Variants in GNG12 observed in about 807,000 individuals in gnomAD.
GNG12 encodes G protein subunit gamma 12, also known as guanine nucleotide-binding protein G(I)/G(S)/G(O) subunit gamma-12.
For missense variants in GNG12, 69 were observed against 83.8 expected (o/e 0.82, Z 0.69); for synonymous variants, 28 against 29.7 (o/e 0.94, Z 0.19).
chr1:67,805,703 GA>G (rs1299690625), intron 1 of GNG12, among the ~76,000 whole-genome samples: 3 of 151,870 alleles, frequency 2.0e-5, no homozygotes, highest in Non-Finnish European at 4.4e-5. Flanking sequence ...AAGAATGCTA[GA>G]AAAATAAGGA....
At chr1:67,772,590 G>T (rs1308863482) in intron 2 of GNG12, 2 of 151,908 alleles carry the variant, frequency 1.3e-5, no homozygotes, top group African/African-American at 4.8e-5. Flanking sequence ...ATTACATAAT[G>T]TGGGGAGTCT....
chr1:67,740,954 A>G (rs755007645), intron 2 of GNG12, among the ~76,000 whole-genome samples: 2 of 152,232 alleles, frequency 1.3e-5, no homozygotes, highest in African/African-American at 2.4e-5. Context: ...ATGAATGAAC[A>G]GGGAATCATC....
intron 2 of GNG12, among the ~76,000 whole-genome samples, chr1:67,715,623 C>T (rs539919432): frequency 6.6e-6 from 1 of 152,178 alleles, no homozygotes; most frequent in African/African-American, 2.4e-5. Context: ...TGAGTCTCTA[C>T]TCCCCACTGG....
At chr1:67,708,556 GC>G (rs1646263399) in intron 2 of GNG12, among the ~76,000 whole-genome samples, 1 of 152,112 alleles carries the variant, frequency 6.6e-6, no homozygotes, top group Non-Finnish European at 1.5e-5. Flanking sequence ...TCTCTCCTTA[GC>G]CACCTGGTGT....
intron 2 of GNG12, among the ~76,000 whole-genome samples, chr1:67,738,059 C>T (rs976912464): frequency 5.3e-5 from 8 of 152,112 alleles, no homozygotes; most frequent in Non-Finnish European, 7.4e-5. Flanking sequence ...ACCTCAGCCT[C>T]CTGGGTAGCT....
At chr1:67,746,604 C>T (rs940089947) in intron 2 of GNG12, among the ~76,000 whole-genome samples, 2 of 152,126 alleles carry the variant, frequency 1.3e-5, no homozygotes, top group African/African-American at 4.8e-5. Flanking sequence ...TCATTCCTCT[C>T]CATCCCTGTG....
intron 2 of GNG12, chr1:67,772,767 A>AT (rs1311903349): frequency 9.2e-5 from 14 of 152,278 alleles, no homozygotes; most frequent in African/African-American, 3.4e-4. Context: ...TGTCTACTGC[A>AT]TATTTCTGGC....
In GNG12 at chr1:67,707,649, T is replaced by C; in HGVS notation, c.38A>G (p.Gln13Arg). ...TAACTGCTGCACAGTTCTCCTTGCCTGGGCTATATTGTTGGTGCTTGCTGT... is the reference window on the plus strand; with the variant it reads ...TAACTGCTGCACAGTTCTCCTTGCCCGGGCTATATTGTTGGTGCTTGCTGT... ...SKTASTNNIA[Q>R]ARRTVQQLRL... The change falls in exon 3 of 4, where the codon CAG becomes CGG. Residue 13 changes from glutamine (Q) to arginine (R), a missense_variant. Transcript: ENST00000370982. 8 of 1,608,732 alleles carry C rather than the reference T, an allele frequency of 5.0e-6. No homozygotes were observed. Among genetic ancestry groups the C allele is most frequent in the Non-Finnish European group, 6.8e-6 (8 of 1,177,982 alleles).
chr1:67,766,658 G>C (rs1646642279), intron 2 of GNG12, among the ~76,000 whole-genome samples: 1 of 150,538 alleles, frequency 6.6e-6, no homozygotes, highest in South Asian at 2.1e-4. Context: ...TCTGAAGCCA[G>C]GTGAAGCCTC....
At chr1:67,769,816 A>ACACACTCACACT (rs3835468) in intron 2 of GNG12, among the ~76,000 whole-genome samples, 1 of 152,042 alleles carries the variant, frequency 6.6e-6, no homozygotes, top group Admixed American at 6.5e-5. Context: ...GCACGCACAC[A>ACACACTCACACT]CACACTCACA....
intron 2 of GNG12, among the ~76,000 whole-genome samples, chr1:67,717,036 G>T (rs932666464): frequency 1.2e-4 from 19 of 152,092 alleles, no homozygotes; most frequent in Non-Finnish European, 2.9e-5. Context: ...AACACCTGGG[G>T]CACTTGTTTA....
chr1:67,718,456 C>G (rs771183218), intron 2 of GNG12, among the ~76,000 whole-genome samples: 7 of 151,968 alleles, frequency 4.6e-5, no homozygotes, highest in South Asian at 2.1e-4. Context: ...TGTACTAAAC[C>G]TATGAGACCT....
chr1:67,778,543 C>G (rs1019737650), intron 1 of GNG12, among the ~76,000 whole-genome samples: 1 of 152,190 alleles, frequency 6.6e-6, no homozygotes, highest in Non-Finnish European at 1.5e-5. Flanking sequence ...ACAGCAAATA[C>G]TTATATATAG....
intron 2 of GNG12, among the ~76,000 whole-genome samples, chr1:67,763,028 G>A (rs1430777980): frequency 6.8e-6 from 1 of 147,394 alleles, no homozygotes; most frequent in East Asian, 2.0e-4. Flanking sequence ...TAGTCGCAAA[G>A]CACCCAGATT....
At chr1:67,783,978 A>T (rs1335272669) in intron 1 of GNG12, among the ~76,000 whole-genome samples, 2 of 151,194 alleles carry the variant, frequency 1.3e-5, no homozygotes, top group Non-Finnish European at 2.9e-5. Flanking sequence ...ATATACCCAA[A>T]GGACTATAAA....
chr1:67,761,220 G>C (rs770534344), intron 2 of GNG12, among the ~76,000 whole-genome samples: 7 of 152,172 alleles, frequency 4.6e-5, no homozygotes, highest in Non-Finnish European at 8.8e-5. Context: ...AATAACAGCT[G>C]GAAGTTATTG....
intron 1 of GNG12, 36 bp downstream of exon 1, chr1:67,833,308 C>T: frequency 1.2e-6 from 1 of 869,372 alleles, no homozygotes; most frequent in Non-Finnish European, 1.4e-6. Flanking sequence ...CCGCGGGGAC[C>T]CGACTCACCA....
chr1:67,738,039 T>C (rs1316715712), intron 2 of GNG12, among the ~76,000 whole-genome samples: 1 of 152,128 alleles, frequency 6.6e-6, no homozygotes, highest in African/African-American at 2.4e-5. Context: ...CAGGCTCAGA[T>C]GATCCTCCCA....
intron 1 of GNG12, among the ~76,000 whole-genome samples, chr1:67,823,014 C>T (rs1646992787): frequency 6.6e-6 from 1 of 152,326 alleles, no homozygotes; most frequent in East Asian, 1.9e-4. Flanking sequence ...TGACTTCTTA[C>T]ATTGTGCTTT....
Sources: allele counts gnomAD v4.1 joint callset (sites outside exome capture counted in the v4.1 genomes callset), GRCh38; gene constraint gnomAD v4.1.1; transcripts MANE v1.5; gene names NCBI Gene and HGNC (gene_info 2026-07-23, HGNC 2026-07-21).